The following CFAP58 variants were observed in gnomAD, a reference collection of about 807,000 sequenced individuals.
CFAP58 encodes the protein cilia- and flagella-associated protein 58.
CFAP58 carries 88 observed loss-of-function variants against 119.5 expected under a neutral mutation model. That is an observed-to-expected ratio of 0.74 (90% CI 0.62 to 0.88). CFAP58 has a LOEUF of 0.88. Among genes scored for constraint, CFAP58 ranks in the 40% least tolerant of loss-of-function variants. CFAP58 has a pLI of 0.00. For synonymous variants in CFAP58, 365 were observed against 366.3 expected, an observed-to-expected ratio of 1.00 and a Z score of 0.04; for missense variants, 990 against 1,021.2, an observed-to-expected ratio of 0.97 and a Z score of 0.42.
chr10:104,415,516 G>A (rs7097925), intron 15 of CFAP58, among the ~76,000 whole-genome samples: 75,462 of 151,918 alleles, frequency 0.5, 19,063 homozygotes, highest in African/African-American at 0.58. Flanking sequence ...GGCCTGAGGC[G>A]GAAACGCTGA....
chr10:104,382,034 A>G (rs747613702), intron 9 of CFAP58: 7 of 709,944 alleles, frequency 9.9e-6, no homozygotes, highest in Non-Finnish European at 1.8e-5. Context: ...TTCAAACCTT[A>G]GTGGTTCGCA....
At chr10:104,371,738 A>G (rs776521663) in intron 7 of CFAP58, among the ~76,000 whole-genome samples, 5 of 152,212 alleles carry the variant, frequency 3.3e-5, no homozygotes, top group Non-Finnish European at 5.9e-5. Flanking sequence ...CATTCCATCC[A>G]TCATCATCCA....
In CFAP58 at chr10:104,454,531, C is replaced by A. The variant is rs2013250165; in HGVS notation, c.*1C>A. 2 of 1,607,084 alleles carry A rather than the reference C, an allele frequency of 1.2e-6. No individual in the cohort carries two copies. Among genetic ancestry groups the A allele is most frequent in the Non-Finnish European group, 1.7e-6 (2 of 1,173,878 alleles). On this transcript the variant is annotated 3_prime_UTR_variant, in exon 18 of 18. Coordinates refer to ENST00000369704, the MANE Select transcript of CFAP58 (RefSeq NM_001008723.2). ...CAGGTCAACCAAAATGACGTTCTAA[C>A]CTGAAGCTGCTGGCTGTTTCCAGTT...
intron 9 of CFAP58, among the ~76,000 whole-genome samples, chr10:104,383,730 A>ATTTC (rs1198448721): frequency 6.9e-6 from 1 of 145,648 alleles, no homozygotes; most frequent in Non-Finnish European, 1.5e-5. Flanking sequence ...CTCTTCTCAT[A>ATTTC]TTTCTTTCTT....
At chr10:104,352,194 TTA>T (rs1166093407), upstream of CFAP58, among the ~76,000 whole-genome samples, 3 of 152,152 alleles carry the variant, frequency 2.0e-5, no homozygotes, top group Non-Finnish European at 4.4e-5. Flanking sequence ...ACTAAACACT[TTA>T]TGAGTGTTTA....
intron 11 of CFAP58, among the ~76,000 whole-genome samples, chr10:104,396,411 AG>A (rs2012159469): frequency 3.0e-5 from 4 of 132,174 alleles, no homozygotes; most frequent in African/African-American, 1.1e-4. Flanking sequence ...AGAGAGAGAG[AG>A]AGAGAGAGAG....
In CFAP58 at chr10:104,450,070, G is replaced by T; in HGVS notation, c.2377-1G>T. ...TAATGCTGCTTTATTTGCCATGTTA[G>T]GTTTTGTCTTCAGAATTGAATATGT... On this transcript the variant is annotated splice_acceptor_variant, in intron 16 of 17. Coordinates refer to ENST00000369704, the MANE Select transcript of CFAP58 (RefSeq NM_001008723.2). LOFTEE classifies it high-confidence loss of function. 2 of 1,589,904 alleles carry T rather than the reference G, an allele frequency of 1.3e-6. No individual in the cohort carries two copies. The highest frequency in any genetic ancestry group is 1.7e-6 in the Non-Finnish European group (2 of 1,172,782).
chr10:104,355,745 G>T lies in CFAP58; in HGVS notation c.9+1839G>T, dbSNP rs148068777. Among the ~76,000 whole-genome samples, 35 of 152,328 alleles carry T rather than the reference G, an allele frequency of 2.3e-4. 1 individual carries two copies. The highest frequency in any genetic ancestry group is 6.5e-4 in the African/African-American group (27 of 41,578). ...ACAGATACCATTATATGTTATAACAGTGGAAATATCAACTGTTTATTGGCC... is the reference window on the plus strand; with the variant it reads ...ACAGATACCATTATATGTTATAACATTGGAAATATCAACTGTTTATTGGCC... On this transcript the variant is annotated intron_variant, in intron 1 of 17. Transcript: ENST00000369704.
intron 9 of CFAP58, among the ~76,000 whole-genome samples, chr10:104,390,177 A>G (rs561312387): frequency 6.6e-6 from 1 of 152,204 alleles, no homozygotes; most frequent in Non-Finnish European, 1.5e-5. Context: ...ACACATACAA[A>G]AATGTTTCCT....
chr10:104,450,027 G>A lies in CFAP58; in HGVS notation c.2377-44G>A, dbSNP rs777913060. On this transcript the variant is annotated intron_variant, in intron 16 of 17. Transcript: ENST00000369704. Reference sequence around the variant, plus strand: ...GCAGATTAAAAGATTTCTCAGAAAAGGATATTGTATCTTTTGTTAATGCTG... The same window carrying A: ...GCAGATTAAAAGATTTCTCAGAAAAAGATATTGTATCTTTTGTTAATGCTG... 10 of 1,562,572 alleles carry A rather than the reference G, an allele frequency of 6.4e-6. No individual in the cohort carries two copies. The East Asian group carries it at 6.8e-5, about 11-fold the overall frequency.
At chr10:104,384,218 T>C (rs941618449) in intron 9 of CFAP58, among the ~76,000 whole-genome samples, 3 of 152,244 alleles carry the variant, frequency 2.0e-5, no homozygotes, top group Admixed American at 6.5e-5. Flanking sequence ...GTTTTGTCTG[T>C]ATGCATACAA....
At chr10:104,389,701 C>A (rs1437077346) in intron 9 of CFAP58, among the ~76,000 whole-genome samples, 1 of 152,144 alleles carries the variant, frequency 6.6e-6, no homozygotes. Flanking sequence ...TTCTTTCTAT[C>A]ATGCGTGCTT....
At position 104,353,885 on chromosome 10, in the gene CFAP58, A is replaced by G. The variant is rs200365700; in HGVS notation, c.-13A>G. On this transcript the variant is annotated 5_prime_UTR_variant, in exon 1 of 18. Coordinates refer to ENST00000369704, the MANE Select transcript of CFAP58 (RefSeq NM_001008723.2). The stretch of plus-strand genomic sequence containing the variant: ...CACAGCAGCCTCTGAGGCCGCCCCC[A>G]GAGAGCATCAGGATGGCTGAGGTCA... 26 of 1,612,860 alleles carry G rather than the reference A, an allele frequency of 1.6e-5. No homozygotes were observed. In the East Asian group the frequency reaches 4.7e-4, roughly 29 times the overall value.
intron 11 of CFAP58, among the ~76,000 whole-genome samples, chr10:104,399,030 C>T (rs2133040778): frequency 6.6e-6 from 1 of 152,274 alleles, no homozygotes; most frequent in African/African-American, 2.4e-5. Flanking sequence ...GTGAATTCTC[C>T]TGGTGTTTAG....
chr10:104,369,276 T>C (rs550688259), intron 6 of CFAP58, among the ~76,000 whole-genome samples: 1 of 152,350 alleles, frequency 6.6e-6, no homozygotes, highest in East Asian at 1.9e-4. Flanking sequence ...AACATTTTTA[T>C]ATCACAAACT....
At chr10:104,358,757 A>G in intron 2 of CFAP58, 135 bp downstream of exon 2, 1 of 687,050 alleles carries the variant, frequency 1.5e-6, no homozygotes, top group East Asian at 3.0e-5. Flanking sequence ...AAGCCTAAGG[A>G]ATAATGTTCA....
chr10:104,378,079 G>C (rs1328417171), intron 8 of CFAP58, among the ~76,000 whole-genome samples: 1 of 152,180 alleles, frequency 6.6e-6, no homozygotes, highest in Non-Finnish European at 1.5e-5. Flanking sequence ...TTTGATTAAT[G>C]TCAATTCTTC....
intron 9 of CFAP58, among the ~76,000 whole-genome samples, chr10:104,383,753 A>ACACACACACACACACACACACAC (rs2011864579): frequency 6.9e-6 from 1 of 145,850 alleles, no homozygotes; most frequent in Non-Finnish European, 1.5e-5. Context: ...TTTACTGTCC[A>ACACACACACACACACACACACAC]ACACACACAC....
intron 13 of CFAP58, among the ~76,000 whole-genome samples, chr10:104,401,882 A>G (rs1185345280): frequency 6.6e-6 from 1 of 152,184 alleles, no homozygotes; most frequent in African/African-American, 2.4e-5. Flanking sequence ...TCATAACTTT[A>G]CTACCCAGAG....
Sources: allele counts gnomAD v4.1 joint callset (sites outside exome capture counted in the v4.1 genomes callset), GRCh38; gene constraint gnomAD v4.1.1; transcripts MANE v1.5; gene names NCBI Gene and HGNC (gene_info 2026-07-23, HGNC 2026-07-21).